The following SETD2 variants were observed in gnomAD, a reference collection of about 807,000 sequenced individuals.
SETD2 encodes the protein histone-lysine N-methyltransferase SETD2.
In SETD2, 31 loss-of-function variants were observed where a neutral mutation model predicts 242.1. The observed-to-expected ratio is 0.13, with a 90% CI of 0.10 to 0.17. The LOEUF (loss-of-function observed/expected upper bound fraction) is 0.17, where lower values mean the gene tolerates loss of function less well. SETD2 is among the 10% of genes least tolerant of loss of function. SETD2 has a pLI of 1.00. For synonymous variants in SETD2, 1,006 were observed against 1,066.5 expected (o/e 0.94, Z 1.11); for missense variants, 2,481 against 3,046.3 (o/e 0.81, Z 4.37).
Position 47,053,198 on chromosome 3 carries a change from T to C in SETD2, c.6963+3623A>G, listed in dbSNP as rs1014597747. Among the ~76,000 whole-genome samples the C allele has an allele frequency of 2.0e-5, 3 of 152,134 alleles. No homozygotes were observed. In the East Asian group the frequency reaches 5.8e-4, roughly 29 times the overall value. On this transcript the variant is annotated intron_variant, in intron 15 of 20. Coordinates refer to ENST00000409792, the MANE Select transcript of SETD2 (RefSeq NM_014159.7). ...CCACCATGCCCGGCCTAAAATGTGA[T>C]TTCTAATGGGAATTACAGAAGAAAT...
chr3:47,154,956 C>T (rs962789243), intron 1 of SETD2, among the ~76,000 whole-genome samples: 2 of 151,238 alleles, frequency 1.3e-5, no homozygotes, highest in African/African-American at 2.4e-5. Context: ...ATCGCACCAC[C>T]GCACTCCAGC....
intron 1 of SETD2, among the ~76,000 whole-genome samples, chr3:47,140,691 T>A (rs1475443271): frequency 6.6e-6 from 1 of 151,948 alleles, no homozygotes; most frequent in East Asian, 1.9e-4. Flanking sequence ...TGAAATCCTG[T>A]CTCTACTAAA....
At chr3:47,150,798 AAAAT>A (rs747234305) in intron 1 of SETD2, among the ~76,000 whole-genome samples, 4 of 152,086 alleles carry the variant, frequency 2.6e-5, no homozygotes, top group Admixed American at 2.0e-4. Flanking sequence ...GTCGCTACAA[AAAAT>A]AAATAAATAA....
At chr3:47,079,928 C>A (rs2107630139) in intron 12 of SETD2, among the ~76,000 whole-genome samples, 1 of 152,230 alleles carries the variant, frequency 6.6e-6, no homozygotes, top group Non-Finnish European at 1.5e-5. Context: ...TCTTTAGGGG[C>A]AATTCTAATT....
At chr3:47,089,565 C>G (rs2041710231) in intron 9 of SETD2, among the ~76,000 whole-genome samples, 1 of 152,130 alleles carries the variant, frequency 6.6e-6, no homozygotes, top group Admixed American at 6.6e-5. Context: ...CATATATATT[C>G]TTTAAGTATT....
intron 17 of SETD2, 74 bp downstream of exon 17, chr3:47,042,487 A>C (rs1559656469): frequency 1.3e-6 from 2 of 1,484,020 alleles, no homozygotes; most frequent in East Asian, 4.5e-5. Flanking sequence ...TACAACTGTA[A>C]AACTCCCCTT....
At chr3:47,078,233 A>G (rs2041175783) in intron 12 of SETD2, among the ~76,000 whole-genome samples, 1 of 152,200 alleles carries the variant, frequency 6.6e-6, no homozygotes, top group Admixed American at 6.5e-5. Context: ...CTGGCAGACT[A>G]CTGCTTAATC....
At chr3:47,115,872 C>T (rs1402144901) in intron 4 of SETD2, among the ~76,000 whole-genome samples, 5 of 152,158 alleles carry the variant, frequency 3.3e-5, no homozygotes, top group Non-Finnish European at 7.4e-5. Flanking sequence ...TCCTAAACTC[C>T]TGGCCTCAAG....
chr3:47,106,926 T>C (rs532473554), intron 5 of SETD2, among the ~76,000 whole-genome samples: 1 of 152,186 alleles, frequency 6.6e-6, no homozygotes, highest in Admixed American at 6.5e-5. Context: ...TCTAATTCCC[T>C]TTATGTAATG....
intron 1 of SETD2, among the ~76,000 whole-genome samples, chr3:47,134,434 C>T (rs758098288): frequency 3.9e-5 from 6 of 152,168 alleles, no homozygotes; most frequent in African/African-American, 9.6e-5. Flanking sequence ...ACCTACCTAG[C>T]TCTCTGCTTG....
chr3:47,109,026 C>T (rs1359262238), intron 5 of SETD2, among the ~76,000 whole-genome samples: 1 of 152,100 alleles, frequency 6.6e-6, no homozygotes, highest in African/African-American at 2.4e-5. Flanking sequence ...CTGAAATTTG[C>T]TCCTGGCTGA....
At chr3:47,149,677 CAGT>C (rs1207619244) in intron 1 of SETD2, among the ~76,000 whole-genome samples, 1 of 152,182 alleles carries the variant, frequency 6.6e-6, no homozygotes, top group Non-Finnish European at 1.5e-5. Context: ...ATCCCCATCC[CAGT>C]AGAAGTCAGA....
intron 12 of SETD2, among the ~76,000 whole-genome samples, chr3:47,079,996 A>G (rs2041255838): frequency 6.6e-6 from 1 of 152,234 alleles, no homozygotes; most frequent in African/African-American, 2.4e-5. Context: ...TACTCTAGTA[A>G]GAATTCAAAA....
chr3:47,017,821 T>C lies in SETD2; in HGVS notation c.7432-82A>G, dbSNP rs923653464. The C allele has an allele frequency of 1.5e-5, 15 of 1,014,268 alleles. No individual in the cohort carries two copies. The highest frequency in any genetic ancestry group is 2.3e-4 in the Middle Eastern group (1 of 4,364). The allele number at this position is 1,014,268 out of a possible 1,614,324, so 62.8% of individuals were successfully genotyped here. ...GTACTGAGGAAATAACTAGAAAAGG[T>C]AGTGAGTAAAGCCAGCCAATCCTTC... On this transcript the variant is annotated intron_variant, in intron 19 of 20. Coordinates refer to ENST00000409792, the MANE Select transcript of SETD2 (RefSeq NM_014159.7). The surrounding 1 kb of genome is among the most constrained non-coding windows in gnomAD (Gnocchi z 4.8).
At chr3:47,157,115 T>C (rs1007452102) in intron 1 of SETD2, among the ~76,000 whole-genome samples, 1 of 151,602 alleles carries the variant, frequency 6.6e-6, no homozygotes. Context: ...CAAACAAAAT[T>C]AGTTGGGCAT....
At chr3:47,045,413 G>A (rs767175258) in intron 16 of SETD2, among the ~76,000 whole-genome samples, 2 of 151,836 alleles carry the variant, frequency 1.3e-5, no homozygotes, top group South Asian at 4.2e-4. Flanking sequence ...AGCTACTCAG[G>A]AGGCTGAGGC....
intron 1 of SETD2, among the ~76,000 whole-genome samples, chr3:47,155,186 G>T (rs2106837368): frequency 6.6e-6 from 1 of 151,666 alleles, no homozygotes; most frequent in East Asian, 1.9e-4. Flanking sequence ...GACATCTTTG[G>T]GACAACTGGC....
chr3:47,114,087 T>A (rs2107720820), intron 4 of SETD2, 83 bp from the exon 5 acceptor site: 1 of 1,313,526 alleles, frequency 7.6e-7, no homozygotes, highest in Non-Finnish European at 1.1e-6. Context: ...TTAGTATAAC[T>A]ACATATATAC....
intron 1 of SETD2, among the ~76,000 whole-genome samples, chr3:47,157,218 G>A (rs981692155): frequency 9.2e-5 from 14 of 151,808 alleles, no homozygotes; most frequent in Non-Finnish European, 1.5e-5. Context: ...AGCCATCATC[G>A]CGCCACTGCA....
Sources: gnomAD v4.1 joint callset for allele counts (sites outside exome capture counted in the v4.1 genomes callset) on GRCh38, gnomAD v4.1.1 for gene constraint, Gnocchi (gnomAD v3.1) non-coding constraint, MANE v1.5 for transcripts, NCBI Gene and HGNC (gene_info 2026-07-23, HGNC 2026-07-21) for gene names.